The following NTF3 variants were observed in gnomAD, a reference collection of about 807,000 sequenced individuals.
The protein encoded by NTF3 is neurotrophin-3.
Under a neutral mutation model 26.3 loss-of-function variants are expected in NTF3, and 8 were observed. The ratio of observed to expected loss-of-function variants is 0.30; its 90% CI spans 0.18 to 0.55. The LOEUF is 0.55. Among genes scored for constraint, NTF3 ranks in the 20% least tolerant of loss-of-function variants. NTF3 has a pLI of 0.93. For synonymous variants in NTF3, 154 were observed against 145.5 expected (o/e 1.06, Z -0.42); for missense variants, 276 against 352.9 (o/e 0.78, Z 1.75).
Position 5,432,257 on chromosome 12 carries a change from T to G in NTF3, c.-68T>G. The G allele has an allele frequency of 6.3e-7, 1 of 1,584,662 alleles. No individual in the cohort carries two copies. The highest frequency in any genetic ancestry group is 8.7e-7 in the Non-Finnish European group (1 of 1,154,392). Reference sequence around the variant, plus strand: ...GGCTGCGGCGGGGTGGGGGAGACTTTGAATGACCGAGCTCGCGTCCACCTT... The same window carrying G: ...GGCTGCGGCGGGGTGGGGGAGACTTGGAATGACCGAGCTCGCGTCCACCTT... On this transcript the variant is annotated 5_prime_UTR_variant, in exon 1 of 2. Transcript: ENST00000423158.
chr12:5,480,681 A>G (rs1940779487), intron 1 of NTF3, among the ~76,000 whole-genome samples: 1 of 152,050 alleles, frequency 6.6e-6, no homozygotes, highest in African/African-American at 2.4e-5. Context: ...GGGGAGAGGC[A>G]GTGTGGGGAG....
intron 1 of NTF3, among the ~76,000 whole-genome samples, chr12:5,438,755 AT>A (rs1380097037): frequency 3.1e-4 from 47 of 152,174 alleles, no homozygotes; most frequent in Non-Finnish European, 8.8e-5. Flanking sequence ...TCTGTCACTA[AT>A]TAGCTGCTAC....
At chr12:5,467,203 T>C (rs34792376) in intron 1 of NTF3, among the ~76,000 whole-genome samples, 4,961 of 116,558 alleles carry the variant, frequency 0.043, 118 homozygotes, top group Admixed American at 0.075. Flanking sequence ...CACTCCAACC[T>C]GTGCAACAGA....
chr12:5,478,385 CATGTT>C (rs1263163509), intron 1 of NTF3, among the ~76,000 whole-genome samples: 1 of 152,210 alleles, frequency 6.6e-6, no homozygotes, highest in Non-Finnish European at 1.5e-5. Context: ...TAAAATGTAT[CATGTT>C]ATAGGATCAA....
chr12:5,483,969 T>A (rs1940837773), intron 1 of NTF3, among the ~76,000 whole-genome samples: 1 of 151,886 alleles, frequency 6.6e-6, no homozygotes, highest in Non-Finnish European at 1.5e-5. Flanking sequence ...CTCCATGGGC[T>A]GAGTAGGGCT....
intron 1 of NTF3, among the ~76,000 whole-genome samples, chr12:5,478,517 G>A (rs115836183): frequency 0.022 from 3,377 of 152,368 alleles, 114 homozygotes; most frequent in African/African-American, 0.076. Context: ...GCATTGTGGT[G>A]AGGGTCACTC....
intron 1 of NTF3, among the ~76,000 whole-genome samples, chr12:5,432,645 C>T (rs1364304129): frequency 6.6e-6 from 1 of 151,692 alleles, no homozygotes; most frequent in Non-Finnish European, 1.5e-5. Context: ...CCCTCTTGTC[C>T]CTCGGCTGCC....
chr12:5,491,019 A>G (rs1053746534), intron 1 of NTF3, among the ~76,000 whole-genome samples: 1 of 152,172 alleles, frequency 6.6e-6, no homozygotes, highest in Non-Finnish European at 1.5e-5. Context: ...AGGTGCTTCC[A>G]TGTGGATTTC....
chr12:5,472,504 C>T (rs966562381), intron 1 of NTF3, among the ~76,000 whole-genome samples: 4 of 152,130 alleles, frequency 2.6e-5, no homozygotes, highest in Non-Finnish European at 4.4e-5. Context: ...ATATGACATT[C>T]GGGACCTCCA....
At chr12:5,435,370 T>C (rs1481255921) in intron 1 of NTF3, among the ~76,000 whole-genome samples, 1 of 152,150 alleles carries the variant, frequency 6.6e-6, no homozygotes, top group Non-Finnish European at 1.5e-5. Context: ...ACTGATGCAA[T>C]TTTGCCAGAA....
intron 1 of NTF3, among the ~76,000 whole-genome samples, chr12:5,453,330 T>A (rs1000021071): frequency 1.3e-5 from 2 of 152,176 alleles, no homozygotes; most frequent in Non-Finnish European, 2.9e-5. Context: ...TGATACCAGC[T>A]CTCTCTTCAC....
intron 1 of NTF3, among the ~76,000 whole-genome samples, chr12:5,453,752 C>T (rs1483129580): frequency 6.6e-6 from 1 of 152,204 alleles, no homozygotes; most frequent in Non-Finnish European, 1.5e-5. Flanking sequence ...TCGTGAAGGT[C>T]TCCCTGGCCC....
At chr12:5,442,057 G>A (rs1037907833) in intron 1 of NTF3, among the ~76,000 whole-genome samples, 7 of 152,312 alleles carry the variant, frequency 4.6e-5, no homozygotes, top group African/African-American at 1.4e-4. Context: ...TGGTGGTCAC[G>A]TGCTAAATGT....
intron 1 of NTF3, among the ~76,000 whole-genome samples, chr12:5,452,140 G>A (rs1940382044): frequency 6.7e-6 from 1 of 148,992 alleles, no homozygotes; most frequent in Non-Finnish European, 1.5e-5. Context: ...TCTCTTGCCG[G>A]GCTGGAAGGC....
At position 5,443,812 on chromosome 12, in the gene NTF3, G is replaced by A. The variant is rs1373305512; in HGVS notation, c.18+11470G>A. On this transcript the variant is annotated intron_variant, in intron 1 of 1. Coordinates refer to ENST00000423158, the MANE Select transcript of NTF3 (RefSeq NM_001102654.2). ...AACCACCACCAAGGAAACCTCCAGGGTGTTTATTGCATATTCTTGCCTTTT... is the reference window on the plus strand; with the variant it reads ...AACCACCACCAAGGAAACCTCCAGGATGTTTATTGCATATTCTTGCCTTTT... 2.0e-5 allele frequency among the ~76,000 whole-genome samples: 3 copies of A among 152,204 alleles called. No homozygotes were observed. The East Asian group carries it at 5.8e-4, about 29-fold the overall frequency.
chr12:5,475,812 A>G (rs1334836439), intron 1 of NTF3, among the ~76,000 whole-genome samples: 2 of 151,626 alleles, frequency 1.3e-5, no homozygotes, highest in Admixed American at 1.3e-4. Context: ...CTCTAGACTG[A>G]GTGACAGAAT....
Position 5,495,120 on chromosome 12 carries a change from T to C in NTF3, c.*132T>C. The C allele has an allele frequency of 2.1e-6, 2 of 974,740 alleles. No individual in the cohort carries two copies. The highest frequency in any genetic ancestry group is 3.0e-6 in the Non-Finnish European group (2 of 667,902). The allele number at this position is 974,740 out of a possible 1,614,324, so 60.4% of individuals were successfully genotyped here. On this transcript the variant is annotated 3_prime_UTR_variant, in exon 2 of 2. Coordinates refer to ENST00000423158, the MANE Select transcript of NTF3 (RefSeq NM_001102654.2). ...ATTAAACTTCAGCAACCCTACAGTA[T>C]ATAAGCTTTTTTCTCAATAAAATCA...
chr12:5,481,478 T>C (rs111664252), intron 1 of NTF3, among the ~76,000 whole-genome samples: 1,632 of 15,082 alleles, frequency 0.11, 353 homozygotes, highest in Middle Eastern at 0.42. Context: ...ACACCACACA[T>C]ACATGCACAC....
chr12:5,484,223 C>G (rs1940841179), intron 1 of NTF3, among the ~76,000 whole-genome samples: 1 of 152,188 alleles, frequency 6.6e-6, no homozygotes, highest in Non-Finnish European at 1.5e-5. Context: ...GGGCAAGTCA[C>G]TTCCCCCCAT....
Sources: allele counts gnomAD v4.1 joint callset (sites outside exome capture counted in the v4.1 genomes callset), GRCh38; gene constraint gnomAD v4.1.1; transcripts MANE v1.5; gene names NCBI Gene and HGNC (gene_info 2026-07-23, HGNC 2026-07-21).